Variants in MYOM2 observed in about 807,000 individuals in gnomAD.
MYOM2 encodes myomesin 2.
MYOM2 carries 254 observed loss-of-function variants against 187.6 expected under a neutral mutation model. The observed-to-expected ratio is 1.35, with a 90% CI of 1.22 to 1.50. MYOM2 has a LOEUF of 1.50. Ranked by LOEUF, MYOM2 falls within the 40% of genes most tolerant of loss-of-function variation. MYOM2 has a pLI of 0.00. For missense variants in MYOM2, 2,796 were observed against 1,924.0 expected (o/e 1.45, Z -8.48); for synonymous variants, 981 against 753.8 (o/e 1.30, Z -4.94).
chr8:2,116,333 G>A, intron 27 of MYOM2, 58 bp downstream of exon 27: 1 of 1,501,066 alleles, frequency 6.7e-7, no homozygotes, highest in South Asian at 1.2e-5. Flanking sequence ...AAGATGATTG[G>A]AGTATTTGTC....
At chr8:2,063,987 G>A (rs1044886090) in intron 6 of MYOM2, among the ~76,000 whole-genome samples, 32 of 152,370 alleles carry the variant, frequency 2.1e-4, no homozygotes, top group Admixed American at 5.9e-4. Flanking sequence ...GAATTAGACT[G>A]GGGGTGAGCT....
At chr8:2,113,898 C>T (rs775563174) in intron 25 of MYOM2, among the ~76,000 whole-genome samples, 26 of 152,172 alleles carry the variant, frequency 1.7e-4, no homozygotes, top group Non-Finnish European at 2.6e-4. Flanking sequence ...CTGGGCACAG[C>T]GTGAGGCTGC....
intron 21 of MYOM2, among the ~76,000 whole-genome samples, chr8:2,105,777 T>C (rs1162063135): frequency 2.6e-5 from 4 of 152,236 alleles, no homozygotes; most frequent in Admixed American, 2.6e-4. Flanking sequence ...GGTCATTAAA[T>C]GCAACTGATG....
intron 32 of MYOM2, among the ~76,000 whole-genome samples, chr8:2,139,820 A>T (rs903291768): frequency 2.6e-5 from 4 of 152,208 alleles, no homozygotes; most frequent in African/African-American, 9.6e-5. Flanking sequence ...GTCTGCAGTA[A>T]ACAGTTTGGC....
Position 2,086,273 on chromosome 8 carries a change from C to CTGTG in MYOM2, c.1644+885_1644+886insTGTG, listed in dbSNP as rs1554546988. 2.8e-4 allele frequency among the ~76,000 whole-genome samples: 24 copies of CTGTG among 84,486 alleles called. 4 individuals are homozygous for CTGTG. Among genetic ancestry groups the CTGTG allele is most frequent in the Admixed American group, 4.4e-4 (4 of 9,078 alleles). 55.4% of individuals were successfully genotyped at this position (84,486 alleles called of 152,430 possible). A position where few individuals can be genotyped will look rare whatever the true frequency, so the allele number is the denominator to read the frequency against. On this transcript the variant is annotated intron_variant, in intron 14 of 36. Coordinates refer to ENST00000262113, the MANE Select transcript of MYOM2 (RefSeq NM_003970.4). ...TTGCGTGGCCCCACTGTCATGATCT[C>CTGTG]TGGCACCCCACTGTCGTGATCTCCG...
At chr8:2,068,100 C>T (rs1007705899) in intron 6 of MYOM2, among the ~76,000 whole-genome samples, 3 of 152,162 alleles carry the variant, frequency 2.0e-5, no homozygotes, top group African/African-American at 4.8e-5. Flanking sequence ...TGGAGAGCAT[C>T]GTGGGCGCAG....
chr8:2,047,288 G>T (rs927482720), intron 1 of MYOM2, among the ~76,000 whole-genome samples: 10 of 152,282 alleles, frequency 6.6e-5, no homozygotes, highest in Admixed American at 6.5e-4. Context: ...CCAGGAGGTG[G>T]TGGCCCAGGC....
intron 17 of MYOM2, 135 bp from the exon 18 acceptor site, chr8:2,096,112 G>T (rs1483220767): frequency 2.6e-6 from 2 of 759,982 alleles, no homozygotes; most frequent in Non-Finnish European, 4.4e-6. Context: ...TGGGTTGAGA[G>T]GGATCAGAGG....
chr8:2,124,306 A>G, intron 31 of MYOM2, 89 bp downstream of exon 31: 2 of 1,327,322 alleles, frequency 1.5e-6, no homozygotes, highest in Non-Finnish European at 2.1e-6. Flanking sequence ...AAAAGAGGGC[A>G]CCATGGAGCT....
intron 8 of MYOM2, 47 bp downstream of exon 8, chr8:2,069,544 C>T (rs774187921): frequency 6.3e-7 from 1 of 1,595,378 alleles, no homozygotes; most frequent in South Asian, 1.1e-5. Context: ...TGTTTAGTGA[C>T]ATAGCAGACA....
Position 2,095,438 on chromosome 8 carries a change from C to T in MYOM2, c.2126-809C>T, listed in dbSNP as rs139759657. 1.4e-3 allele frequency among the ~76,000 whole-genome samples: 211 copies of T among 152,106 alleles called. 1 individual carries two copies. Among genetic ancestry groups the T allele is most frequent in the Admixed American group, 2.4e-3 (36 of 15,274 alleles). On this transcript the variant is annotated intron_variant, in intron 17 of 36. Transcript: ENST00000262113. Reference sequence around the variant, plus strand: ...TCCTGATTAGCTAGGACCACAGGCACCACCACCACGCCCAGCTAATTTTTT... The same window carrying T: ...TCCTGATTAGCTAGGACCACAGGCATCACCACCACGCCCAGCTAATTTTTT...
chr8:2,048,358 G>C (rs139054003), intron 1 of MYOM2, among the ~76,000 whole-genome samples: 303 of 152,370 alleles, frequency 2.0e-3, no homozygotes, highest in Middle Eastern at 0.014. Flanking sequence ...ACTCCAGAGA[G>C]AGTAAATGGG....
intron 8 of MYOM2, among the ~76,000 whole-genome samples, chr8:2,071,904 T>C (rs75613701): frequency 0.097 from 14,775 of 151,974 alleles, 1,211 homozygotes; most frequent in African/African-American, 0.22. Context: ...GCGCTCATTC[T>C]CCCCTGGGGT....
At chr8:2,071,983 G>T (rs1819238943) in intron 8 of MYOM2, among the ~76,000 whole-genome samples, 1 of 152,140 alleles carries the variant, frequency 6.6e-6, no homozygotes, top group Non-Finnish European at 1.5e-5. Context: ...CCGTCCCATT[G>T]AGGGTCAGGG....
At position 2,124,179 on chromosome 8, in the gene MYOM2, T is replaced by C. The variant is rs1393174476; in HGVS notation, c.3656T>C (p.Val1219Ala). The C allele has an allele frequency of 3.1e-6, 5 of 1,612,226 alleles. No homozygotes were observed. Among genetic ancestry groups the C allele is most frequent in the Non-Finnish European group, 4.2e-6 (5 of 1,178,978 alleles). ...GGTGCGTATCCCTTCTCATTTTCAG[T>C]GTATGATGATATGATTTTGGCAATG... ...DVSILEIAGK[V>A]YDDMILAMSR... Residue 1219 changes from valine (V) to alanine (A), a missense_variant and splice_region_variant, in exon 31 of 37, where the codon GTG (valine) becomes GCG (alanine). Val to Ala is a moderately conservative substitution (Grantham distance 64). Transcript: ENST00000262113.
chr8:2,133,390 C>G (rs79350235), intron 32 of MYOM2, among the ~76,000 whole-genome samples: 1,691 of 152,300 alleles, frequency 0.011, 26 homozygotes, highest in African/African-American at 0.039. Flanking sequence ...GACACCACAG[C>G]GCTATTGAAA....
rs191702231 is a variant in MYOM2, at chr8:2,080,645, C to A, written c.1516+1032C>A. 2.8e-4 allele frequency among the ~76,000 whole-genome samples: 42 copies of A among 152,332 alleles called. No homozygotes were observed. In the East Asian group the frequency reaches 7.5e-3, roughly 27 times the overall value. Reference sequence around the variant, plus strand: ...CAACTTCTTGCAGTCTCCTGGGCATCTGGCTTTTTGAGTCAGCCTGGTATT... The same window carrying A: ...CAACTTCTTGCAGTCTCCTGGGCATATGGCTTTTTGAGTCAGCCTGGTATT... On this transcript the variant is annotated intron_variant, in intron 13 of 36. Coordinates refer to ENST00000262113, the MANE Select transcript of MYOM2 (RefSeq NM_003970.4).
intron 3 of MYOM2, 122 bp downstream of exon 3, chr8:2,052,435 C>T (rs982379543): frequency 3.7e-6 from 4 of 1,076,456 alleles, no homozygotes; most frequent in Non-Finnish European, 5.1e-6. Context: ...ACAGGCCATG[C>T]CTGGGGTGAG....
At chr8:2,066,415 C>T (rs1819021725) in intron 6 of MYOM2, among the ~76,000 whole-genome samples, 2 of 152,144 alleles carry the variant, frequency 1.3e-5, no homozygotes, top group Admixed American at 6.5e-5. Context: ...AGGCTGTCGC[C>T]CTTGTTTCTC....
Sources: allele counts gnomAD v4.1 joint callset (sites outside exome capture counted in the v4.1 genomes callset), GRCh38; gene constraint gnomAD v4.1.1; transcripts MANE v1.5; gene names NCBI Gene and HGNC (gene_info 2026-07-23, HGNC 2026-07-21).